PLEKHH1: variants seen among roughly 807,000 people sequenced by gnomAD.
PLEKHH1 encodes the protein pleckstrin homology domain-containing family H member 1.
Under a neutral mutation model 160.0 loss-of-function variants are expected in PLEKHH1, and 104 were observed. The observed-to-expected ratio is 0.65, with a 90% confidence interval of 0.55 to 0.76. PLEKHH1 has a LOEUF of 0.76. PLEKHH1 is among the 30% of genes least tolerant of loss of function. The pLI, the probability that PLEKHH1 is intolerant of heterozygous loss-of-function variation, is 0.00. For missense variants in PLEKHH1, 1,427 were observed against 1,724.1 expected, an observed-to-expected ratio of 0.83 and a Z score of 3.05; for synonymous variants, 619 against 678.4, an observed-to-expected ratio of 0.91 and a Z score of 1.36.
At position 67,571,680 on chromosome 14, in the gene PLEKHH1, G is replaced by A. The variant is rs576927637; in HGVS notation, c.1435-72G>A. ...CACACCATGGGCACTTGGACCAGGAGTGCAAGCTGCAGGGTTGGGAGAGGA... is the reference window on the plus strand; with the variant it reads ...CACACCATGGGCACTTGGACCAGGAATGCAAGCTGCAGGGTTGGGAGAGGA... On this transcript the variant is annotated intron_variant, in intron 9 of 28. Transcript: ENST00000329153. The A allele has an allele frequency of 5.9e-6, 9 of 1,520,764 alleles. No individual in the cohort carries two copies. The South Asian group carries it at 7.9e-5, about 13-fold the overall frequency. 94.2% of individuals were successfully genotyped at this position (1,520,764 alleles called of 1,614,324 possible).
chr14:67,575,350 G>A (rs1594783000), intron 14 of PLEKHH1, 42 bp from the exon 15 acceptor site: 15 of 1,198,928 alleles, frequency 1.3e-5, no homozygotes, highest in Middle Eastern at 1.9e-4. Context: ...TACTTCTAGA[G>A]TTACCTAGTT....
In PLEKHH1 at chr14:67,545,518, G is replaced by A. The variant is rs149869069; in HGVS notation, c.126+3525G>A. Among the ~76,000 whole-genome samples the A allele has an allele frequency of 4.4e-3, 672 of 152,008 alleles. 18 individuals carry two copies. The East Asian group carries it at 0.062, about 14-fold the overall frequency. On this transcript the variant is annotated intron_variant, in intron 2 of 28. Coordinates refer to ENST00000329153, the MANE Select transcript of PLEKHH1 (RefSeq NM_020715.3). ...AGGAAAGTCTATTAAATACAGATAGGGACAAGAAAATAATATATCAAAAAA... is the reference window on the plus strand; with the variant it reads ...AGGAAAGTCTATTAAATACAGATAGAGACAAGAAAATAATATATCAAAAAA...
chr14:67,586,804 T>C (rs1270397142), intron 28 of PLEKHH1: 3 of 1,421,708 alleles, frequency 2.1e-6, no homozygotes, highest in Admixed American at 2.2e-5. Flanking sequence ...CCTTCCCTGG[T>C]TGTAGAGCTA....
At chr14:67,584,210 C>G in intron 26 of PLEKHH1, 86 bp downstream of exon 26, 1 of 1,387,684 alleles carries the variant, frequency 7.2e-7, no homozygotes, top group South Asian at 1.2e-5. Context: ...GCAGCCCCTA[C>G]CTCCATACCA....
chr14:67,570,412 C>A, intron 9 of PLEKHH1: 1 of 375,700 alleles, frequency 2.7e-6, no homozygotes, highest in Non-Finnish European at 3.7e-6. Context: ...GCAATATTTT[C>A]ATACACATTT....
In PLEKHH1 at chr14:67,574,866, C is replaced by A. The variant is rs758031845; in HGVS notation, c.2088+463C>A. Among the ~76,000 whole-genome samples the A allele has an allele frequency of 2.0e-5, 3 of 152,166 alleles. No homozygotes were observed. The highest frequency in any genetic ancestry group is 2.9e-5 in the Non-Finnish European group (2 of 68,030). On this transcript the variant is annotated intron_variant, in intron 14 of 28. Transcript: ENST00000329153. The surrounding 1 kb of genome is among the most constrained non-coding windows in gnomAD (Gnocchi z 4.2). ...TTAAACCCAAGAAAATGGAAGTTAA[C>A]AAGGAAGTACATTAGCTAGACCAGA... is the stretch of plus-strand genomic sequence containing the variant.
chr14:67,583,402 C>T (rs1427387759), intron 24 of PLEKHH1, among the ~76,000 whole-genome samples: 1 of 152,164 alleles, frequency 6.6e-6, no homozygotes, highest in Admixed American at 6.5e-5. Context: ...GGATCTGTAG[C>T]ATCTTCAATT....
intron 1 of PLEKHH1, among the ~76,000 whole-genome samples, chr14:67,540,226 A>T (rs753194014): frequency 6.6e-6 from 1 of 152,254 alleles, no homozygotes; most frequent in Admixed American, 6.5e-5. Context: ...CCTATTTCGT[A>T]TATCTCCTCC....
In PLEKHH1 at chr14:67,574,433, A is replaced by C; in HGVS notation, c.2088+30A>C. On this transcript the variant is annotated intron_variant, in intron 14 of 28. Transcript: ENST00000329153. The surrounding 1 kb of genome is among the most constrained non-coding windows in gnomAD (Gnocchi z 4.2). ...AGGGTGGGGCTGATAGGGCAGGAAC[A>C]TGTGCCTCCTGCGAATCAGGGGAGC... is the stretch of plus-strand genomic sequence containing the variant. 1 of 1,467,190 alleles carries C rather than the reference A, an allele frequency of 6.8e-7. No individual in the cohort carries two copies. Among genetic ancestry groups the C allele is most frequent in the Non-Finnish European group, 9.1e-7 (1 of 1,103,710 alleles). The allele number at this position is 1,467,190 out of a possible 1,614,324, so 90.9% of individuals were successfully genotyped here. A position where few individuals can be genotyped will look rare whatever the true frequency, so the allele number is the denominator to read the frequency against.
chr14:67,541,838 C>G lies in PLEKHH1; in HGVS notation c.-30C>G. Reference sequence around the variant, plus strand: ...TTTCTGCATGCTGGTTCTTAGGGCTCCCCAGAATAATCCAGAAGTCGATTC... The same window carrying G: ...TTTCTGCATGCTGGTTCTTAGGGCTGCCCAGAATAATCCAGAAGTCGATTC... On this transcript the variant is annotated 5_prime_UTR_variant, in exon 2 of 29. Transcript: ENST00000329153. 6.4e-7 allele frequency: 1 copy of G among 1,565,862 alleles called. No homozygotes were observed. Among genetic ancestry groups the G allele is most frequent in the East Asian group, 2.3e-5 (1 of 42,768 alleles).
Position 67,576,388 on chromosome 14 carries a change from C to G in PLEKHH1, c.2353-7C>G, listed in dbSNP as rs1234030975. ...TCCCCATCCGATGGCTTTCCGCCCT[C>G]TTCCAGGATACGTGGCTCTACCACC... On this transcript the variant is annotated splice_region_variant and splice_polypyrimidine_tract_variant and intron_variant, in intron 16 of 28. Transcript: ENST00000329153. This position sits in a 1 kb window ranked among gnomAD's most constrained non-coding sequence, Gnocchi z 4.0. 1.3e-6 allele frequency: 2 copies of G among 1,566,888 alleles called. No individual in the cohort carries two copies. The highest frequency in any genetic ancestry group is 1.8e-6 in the Non-Finnish European group (2 of 1,138,584).
chr14:67,572,805 T>C (rs72721044), intron 11 of PLEKHH1, among the ~76,000 whole-genome samples: 12,635 of 152,164 alleles, frequency 0.083, 628 homozygotes, highest in Middle Eastern at 0.12. Flanking sequence ...TGCCCCATCA[T>C]CTCCCTGGCT....
At chr14:67,586,996 A>G (rs1454932690) in intron 28 of PLEKHH1, 78 bp from the exon 29 acceptor site, 3 of 1,522,650 alleles carry the variant, frequency 2.0e-6, no homozygotes, top group East Asian at 2.5e-5. Context: ...GGAACTCAGC[A>G]TAAGAGCTAA....
chr14:67,584,753 C>T (rs1294372193), intron 26 of PLEKHH1, among the ~76,000 whole-genome samples: 1 of 152,194 alleles, frequency 6.6e-6, no homozygotes, highest in African/African-American at 2.4e-5. Context: ...AGACACAGTC[C>T]TTGCCTTCCT....
At chr14:67,586,466 TGTTACCCCTGGGTTCTGC>T (rs1224842519) in intron 28 of PLEKHH1, 1 of 1,251,528 alleles carries the variant, frequency 8.0e-7, no homozygotes, top group Admixed American at 2.3e-5. Flanking sequence ...GGTGCTCGCA[TGTTACCCCTGGGTTCTGC>T]TGACCCAACA....
At chr14:67,542,507 CA>C (rs1471200202) in intron 2 of PLEKHH1, among the ~76,000 whole-genome samples, 1 of 152,138 alleles carries the variant, frequency 6.6e-6, no homozygotes, top group Non-Finnish European at 1.5e-5. Flanking sequence ...CAAAAAAACA[CA>C]AATGTCTACT....
chr14:67,561,932 C>T (rs1238401826), intron 5 of PLEKHH1, 22 bp from the exon 6 acceptor site: 12 of 1,562,262 alleles, frequency 7.7e-6, no homozygotes, highest in Non-Finnish European at 9.7e-6. Flanking sequence ...TGTCCTAAAT[C>T]TTCATTTTTC....
At position 67,575,892 on chromosome 14, in the gene PLEKHH1, G is replaced by A. The variant is rs1419574400; in HGVS notation, c.2239G>A (p.Glu747Lys). Residue 747 changes from glutamate to lysine, a missense_variant, in exon 16 of 29, where the codon GAG becomes AAG. Physicochemically the swap from Glu to Lys is moderately conservative, Grantham distance 56 (BLOSUM62 1). Coordinates refer to ENST00000329153, the MANE Select transcript of PLEKHH1 (RefSeq NM_020715.3). ...AGTAGATCGATCCTGTGACTCAGAC[G>A]AGGACTATGAGGCTGGAGGAACCAG... The part of the protein sequence containing the change: ...EEVDRSCDSD[E>K]DYEAGGTRRL... The A allele has an allele frequency of 1.2e-5, 20 of 1,613,818 alleles. No individual in the cohort carries two copies. Among genetic ancestry groups the A allele is most frequent in the African/African-American group, 4.0e-5 (3 of 74,936 alleles).
intron 1 of PLEKHH1, among the ~76,000 whole-genome samples, chr14:67,539,052 C>G (rs1383464933): frequency 6.6e-6 from 1 of 152,156 alleles, no homozygotes; most frequent in Non-Finnish European, 1.5e-5. Context: ...TCCCTTGCCC[C>G]TTGCTTTTAT....
Sources: gnomAD v4.1 joint callset for allele counts (sites outside exome capture counted in the v4.1 genomes callset) on GRCh38, gnomAD v4.1.1 for gene constraint, Gnocchi (gnomAD v3.1) non-coding constraint, MANE v1.5 for transcripts, NCBI Gene and HGNC (gene_info 2026-07-23, HGNC 2026-07-21) for gene names.